NMS: variants seen among roughly 807,000 people sequenced by gnomAD.
NMS encodes neuromedin-S.
A neutral mutation model predicts 32.2 loss-of-function variants in NMS; 30 were observed. The ratio of observed to expected loss-of-function variants is 0.93; its 90% CI spans 0.70 to 1.26. NMS has a LOEUF of 1.26. Ranked by LOEUF, NMS falls within the 50% of genes most tolerant of loss-of-function variation. NMS has a pLI of 0.00. For missense variants in NMS, 190 were observed against 186.3 expected, an observed-to-expected ratio of 1.02 and a Z score of -0.12; for synonymous variants, 76 against 58.5, an observed-to-expected ratio of 1.30 and a Z score of -1.37.
chr2:100,474,550 T>C (rs1677070389), intron 3 of NMS, among the ~76,000 whole-genome samples: 1 of 152,242 alleles, frequency 6.6e-6, no homozygotes, highest in Non-Finnish European at 1.5e-5. Flanking sequence ...CTTGGTAGTT[T>C]CTTAGTTGCT....
chr2:100,473,795 C>A (rs1677050770), intron 3 of NMS, among the ~76,000 whole-genome samples: 1 of 151,784 alleles, frequency 6.6e-6, no homozygotes, highest in Admixed American at 6.6e-5. Flanking sequence ...TATAGTTAAG[C>A]TAATTATATG....
At chr2:100,482,164 G>T in intron 8 of NMS, 113 bp from the exon 9 acceptor site, 1 of 1,041,690 alleles carries the variant, frequency 9.6e-7, no homozygotes. Context: ...GGGGAGTGAA[G>T]TCCTAGTTAG....
chr2:100,477,698 A>G (rs1677138432), intron 5 of NMS, among the ~76,000 whole-genome samples: 1 of 152,158 alleles, frequency 6.6e-6, no homozygotes, highest in African/African-American at 2.4e-5. Flanking sequence ...AGAGGTAAGG[A>G]AGAGCCTGGT....
rs368249890 is a variant in NMS, at chr2:100,480,501, G to A, written c.342G>A (p.Ser114=). Residue 114 remains serine, a synonymous_variant, in exon 7 of 10, where the codon TCG becomes TCA. Transcript: ENST00000376865. ...TGTGCCTCATTTCCTTGCAGGGCTC[G>A]GGGACTGCTGCAGTGGACTTCACCA... ...RRMKRILQRG[S]GTAAVDFTKK... is the part of the protein sequence containing the mutation. The A allele has an allele frequency of 1.4e-5, 23 of 1,613,054 alleles. No individual in the cohort carries two copies. The highest frequency in any genetic ancestry group is 1.8e-5 in the Non-Finnish European group (21 of 1,179,862).
chr2:100,483,108 G>A (rs1401595518), intron 9 of NMS, 144 bp from the exon 10 acceptor site: 2 of 694,202 alleles, frequency 2.9e-6, no homozygotes, highest in Non-Finnish European at 5.0e-6. Context: ...AGTACTGATT[G>A]TGGGGAAAGC....
intron 7 of NMS, 114 bp from the exon 8 acceptor site, chr2:100,481,012 T>A: frequency 1.0e-6 from 1 of 985,420 alleles, no homozygotes; most frequent in Non-Finnish European, 1.6e-6. Flanking sequence ...TCCCAGAGGT[T>A]GTTGGTGCCA....
intron 5 of NMS, among the ~76,000 whole-genome samples, chr2:100,478,205 A>C (rs1677148594): frequency 6.6e-6 from 1 of 151,968 alleles, no homozygotes; most frequent in Non-Finnish European, 1.5e-5. Context: ...CAGGCCATCC[A>C]CCTGCCTTGG....
rs200077599 is a variant in NMS, at chr2:100,481,136, C to A, written c.383C>A (p.Ala128Glu). The A allele has an allele frequency of 1.9e-6, 3 of 1,613,934 alleles. No individual in the cohort carries two copies. The highest frequency in any genetic ancestry group is 1.7e-5 in the Admixed American group (1 of 60,006). ...TTCTATATGTTGCAGGATCACACTG[C>A]GACCTGGGGACGACCCTTTTTCCTT... is the stretch of plus-strand genomic sequence containing the variant. ...AVDFTKKDHT[A>E]TWGRPFFLFR... Residue 128 changes from alanine to glutamate, a missense_variant, in exon 8 of 10, where the codon GCG becomes GAG. Transcript: ENST00000376865.
intron 5 of NMS, among the ~76,000 whole-genome samples, chr2:100,478,881 C>A (rs780651146): frequency 9.2e-5 from 14 of 152,224 alleles, no homozygotes; most frequent in Non-Finnish European, 2.1e-4. Flanking sequence ...AGGGAGGATT[C>A]ACAAGGACTA....
intron 2 of NMS, 129 bp downstream of exon 2, chr2:100,472,979 T>A (rs575012228): frequency 6.2e-4 from 355 of 573,348 alleles, no homozygotes; most frequent in Non-Finnish European, 1.0e-3. Context: ...CTGTTGCCAT[T>A]TTTCATGGCC....
Position 100,477,395 on chromosome 2 carries a change from C to T in NMS, c.242C>T (p.Thr81Ile). The T allele has an allele frequency of 1.2e-6, 2 of 1,612,996 alleles. No individual in the cohort carries two copies. Among genetic ancestry groups the T allele is most frequent in the Non-Finnish European group, 8.5e-7 (1 of 1,179,124 alleles). ...CACTACTCCAGAACTCAGGAGGCAA[C>T]ACATCCAGTTAAAACTGGGGTCAGT... Reference protein sequence around the residue: ...LFHYSRTQEATHPVKTGFPPV... With the variant: ...LFHYSRTQEAIHPVKTGFPPV... The change falls in exon 5 of 10, where the codon ACA becomes ATA. Residue 81 changes from threonine (T) to isoleucine (I), a missense_variant. Coordinates refer to ENST00000376865, the MANE Select transcript of NMS (RefSeq NM_001011717.1).
chr2:100,482,035 G>A lies in NMS; in HGVS notation c.415-242G>A, dbSNP rs185686086. ...CACATAAGCAAAGACTAAAGGGGGG[G>A]GATGATGGGTGACAGTGTTGGGGTC... is the stretch of plus-strand genomic sequence containing the variant. On this transcript the variant is annotated intron_variant, in intron 8 of 9. Coordinates refer to ENST00000376865, the MANE Select transcript of NMS (RefSeq NM_001011717.1). Among the ~76,000 whole-genome samples the A allele has an allele frequency of 5.9e-5, 9 of 152,298 alleles. No individual in the cohort carries two copies. The East Asian group carries it at 1.6e-3, about 26-fold the overall frequency.
intron 1 of NMS, among the ~76,000 whole-genome samples, chr2:100,472,368 G>A (rs905674789): frequency 1.3e-5 from 2 of 152,134 alleles, no homozygotes; most frequent in African/African-American, 4.8e-5. Flanking sequence ...CAGAGAGACG[G>A]GTATCCATGT....
chr2:100,474,401 C>T (rs1257293906), intron 3 of NMS, among the ~76,000 whole-genome samples: 1 of 152,138 alleles, frequency 6.6e-6, no homozygotes. Context: ...ATCAGTATTC[C>T]CCAAATGCAC....
At chr2:100,475,519 GT>G (rs1677092355) in intron 3 of NMS, among the ~76,000 whole-genome samples, 1 of 152,138 alleles carries the variant, frequency 6.6e-6, no homozygotes, top group South Asian at 2.1e-4. Flanking sequence ...ATAAGTTCTT[GT>G]GAACAGGGCT....
At chr2:100,471,924 C>T (rs551348743) in intron 1 of NMS, among the ~76,000 whole-genome samples, 86 of 152,292 alleles carry the variant, frequency 5.6e-4, no homozygotes, top group African/African-American at 2.0e-3. Context: ...CCAGAGAAAA[C>T]TATGCTCAGT....
intron 6 of NMS, among the ~76,000 whole-genome samples, chr2:100,479,807 C>T (rs1324007354): frequency 1.3e-5 from 2 of 152,208 alleles, no homozygotes; most frequent in Non-Finnish European, 2.9e-5. Context: ...CCTAGGTGCC[C>T]GTTGTCCATT....
intron 6 of NMS, among the ~76,000 whole-genome samples, chr2:100,480,070 C>G (rs1232309111): frequency 2.6e-5 from 4 of 152,180 alleles, no homozygotes; most frequent in Non-Finnish European, 4.4e-5. Context: ...TCCTGGGCAC[C>G]AGCAGCAGTT....
chr2:100,470,618 A>G (rs970263982), intron 1 of NMS, 54 bp downstream of exon 1: 35 of 1,391,824 alleles, frequency 2.5e-5, no homozygotes, highest in Non-Finnish European at 3.3e-5. Context: ...GATGTCTGAG[A>G]CAGACCTTGA....
Sources: allele counts gnomAD v4.1 joint callset (sites outside exome capture counted in the v4.1 genomes callset), GRCh38; gene constraint gnomAD v4.1.1; transcripts MANE v1.5; gene names NCBI Gene and HGNC (gene_info 2026-07-23, HGNC 2026-07-21).